TENM4: variants seen among roughly 807,000 people sequenced by gnomAD.
TENM4 encodes the protein teneurin transmembrane protein 4.
In TENM4, 82 loss-of-function variants were observed where a neutral mutation model predicts 243.3. That is an observed-to-expected ratio of 0.34 (90% CI 0.28 to 0.40). The LOEUF (loss-of-function observed/expected upper bound fraction) is 0.40. TENM4 is among the 10% of genes least tolerant of loss of function. TENM4 has a pLI of 1.00. For missense variants in TENM4, 3,138 were observed against 3,673.3 expected (o/e 0.85, Z 3.77); for synonymous variants, 1,412 against 1,456.3 (o/e 0.97, Z 0.69).
At chr11:78,953,104 C>T (rs141831507) in intron 6 of TENM4, among the ~76,000 whole-genome samples, 54 of 152,226 alleles carry the variant, frequency 3.5e-4, no homozygotes, top group Middle Eastern at 6.8e-3. Flanking sequence ...GGCCAGCTGA[C>T]CAGAAGGAAA....
At chr11:79,245,203 A>T (rs943927881) in intron 2 of TENM4, among the ~76,000 whole-genome samples, 1 of 152,224 alleles carries the variant, frequency 6.6e-6, no homozygotes, top group East Asian at 1.9e-4. Context: ...AGGTAGCAGA[A>T]GCCCTGCAGC....
At chr11:78,792,488 T>C (rs899976152) in intron 15 of TENM4, among the ~76,000 whole-genome samples, 1 of 151,946 alleles carries the variant, frequency 6.6e-6, no homozygotes, top group Non-Finnish European at 1.5e-5. Flanking sequence ...CGTGAGCTCT[T>C]CCCCTACAGA....
chr11:79,277,617 C>T (rs1397704792), intron 2 of TENM4, among the ~76,000 whole-genome samples: 1 of 152,056 alleles, frequency 6.6e-6, no homozygotes, highest in Non-Finnish European at 1.5e-5. Flanking sequence ...CTGCACGGTC[C>T]ATAGTTAGGG....
chr11:78,863,050 A>G lies in TENM4; in HGVS notation c.1167T>C (p.Ser389=). 3.2e-6 allele frequency: 5 copies of G among 1,538,888 alleles called. No homozygotes were observed. Among genetic ancestry groups the G allele is most frequent in the East Asian group, 2.5e-5 (1 of 40,672 alleles). The change falls in exon 10 of 34, where the codon AGT becomes AGC. Residue 389 remains serine, a synonymous_variant. Transcript: ENST00000278550. ...GGGAGACGTCGGTTGGCACAGGCCA[A>G]CTGCTGGCTGTGTCCTCCGTGATCT... The part of the protein sequence containing the change: ...MYEITEDTAS[S]WPVPTDVSLY...
At chr11:78,918,157 T>C (rs927925953) in intron 6 of TENM4, among the ~76,000 whole-genome samples, 1 of 152,178 alleles carries the variant, frequency 6.6e-6, no homozygotes, top group Non-Finnish European at 1.5e-5. Flanking sequence ...ACGTTTCACC[T>C]GGCATGCAGT....
chr11:79,186,651 G>T (rs1486732114), intron 3 of TENM4, among the ~76,000 whole-genome samples: 1 of 152,198 alleles, frequency 6.6e-6, no homozygotes, highest in Non-Finnish European at 1.5e-5. Context: ...GCAATCTGGA[G>T]GAATTAAATA....
At chr11:79,244,772 C>T (rs919122832) in intron 2 of TENM4, among the ~76,000 whole-genome samples, 3 of 152,066 alleles carry the variant, frequency 2.0e-5, no homozygotes, top group African/African-American at 7.2e-5. Context: ...AGCAGACTAG[C>T]TGTAGAGGTG....
At chr11:78,728,245 G>C (rs1227162013) in intron 22 of TENM4, among the ~76,000 whole-genome samples, 1 of 152,184 alleles carries the variant, frequency 6.6e-6, no homozygotes, top group Non-Finnish European at 1.5e-5. Context: ...GAAAGATCTG[G>C]AATAAATCCA....
chr11:79,160,947 T>G (rs974791737), intron 3 of TENM4, among the ~76,000 whole-genome samples: 6 of 152,230 alleles, frequency 3.9e-5, no homozygotes, highest in Non-Finnish European at 8.8e-5. Flanking sequence ...TGCAACTTTT[T>G]GCTTGCAGTT....
intron 3 of TENM4, among the ~76,000 whole-genome samples, chr11:79,200,838 A>T (rs59091376): frequency 0.01 from 1,568 of 152,208 alleles, 23 homozygotes; most frequent in African/African-American, 0.036. Flanking sequence ...GCCCTGGAAA[A>T]ACTTCTAGCT....
rs543825625 is a variant in TENM4 at position 79,094,793 on chromosome 11, CAAG to C, written c.-65-24787_-65-24785del. The stretch of plus-strand genomic sequence containing the variant: ...ACCAGTGGGGGAGGAGCTCCTACTG[CAAG>C]AAGATCAAGGTGCTAGGGCTCTCCC... On this transcript the variant is annotated intron_variant, in intron 4 of 33. Transcript: ENST00000278550. 1.8e-4 allele frequency among the ~76,000 whole-genome samples: 28 copies of C among 152,282 alleles called. No individual in the cohort carries two copies. In the East Asian group the frequency reaches 3.9e-3, roughly 21 times the overall value.
intron 1 of TENM4, among the ~76,000 whole-genome samples, chr11:79,330,909 A>C (rs1204284552): frequency 6.6e-6 from 1 of 152,176 alleles, no homozygotes. Context: ...CAACAGAGAC[A>C]CGTGGGGTCA....
intron 14 of TENM4, 85 bp from the exon 15 acceptor site, chr11:78,805,577 C>A: frequency 1.4e-6 from 2 of 1,471,274 alleles, no homozygotes; most frequent in South Asian, 1.2e-5. Context: ...AGCTTTGTGG[C>A]CAAGGGGCTT....
intron 12 of TENM4, among the ~76,000 whole-genome samples, chr11:78,832,424 C>T (rs558664206): frequency 6.6e-4 from 101 of 152,380 alleles, no homozygotes; most frequent in African/African-American, 2.4e-3. Flanking sequence ...TTGGGAGCAG[C>T]ATAGTGCTTT....
intron 9 of TENM4, among the ~76,000 whole-genome samples, chr11:78,865,382 C>G (rs535484014): frequency 6.6e-6 from 1 of 152,220 alleles, no homozygotes; most frequent in African/African-American, 2.4e-5. Flanking sequence ...TTCTCGGCAT[C>G]AAGGCCCAGG....
intron 4 of TENM4, among the ~76,000 whole-genome samples, chr11:79,141,798 A>G (rs1245135478): frequency 6.6e-6 from 1 of 152,156 alleles, no homozygotes; most frequent in Non-Finnish European, 1.5e-5. Flanking sequence ...ATCACTCATC[A>G]TAACCAAGTG....
intron 12 of TENM4, among the ~76,000 whole-genome samples, chr11:78,835,115 G>A (rs183129583): frequency 5.3e-5 from 8 of 152,180 alleles, no homozygotes; most frequent in African/African-American, 9.6e-5. Context: ...ACTCCAGGGC[G>A]GTGAGGCATG....
At chr11:79,069,437 C>T (rs955545994) in intron 5 of TENM4, among the ~76,000 whole-genome samples, 3 of 152,202 alleles carry the variant, frequency 2.0e-5, no homozygotes, top group African/African-American at 7.2e-5. Flanking sequence ...GAGCCTAACT[C>T]AACTCTAGGC....
chr11:78,967,538 C>T (rs559889115), intron 6 of TENM4, among the ~76,000 whole-genome samples: 2 of 152,292 alleles, frequency 1.3e-5, no homozygotes, highest in South Asian at 4.1e-4. Flanking sequence ...CCTGCTCAGT[C>T]ACCTAGATCT....
Sources: gnomAD v4.1 joint callset for allele counts (sites outside exome capture counted in the v4.1 genomes callset) on GRCh38, gnomAD v4.1.1 for gene constraint, MANE v1.5 for transcripts, NCBI Gene and HGNC (gene_info 2026-07-23, HGNC 2026-07-21) for gene names.